The following TMEM131 variants were observed in gnomAD, a reference collection of about 807,000 sequenced individuals.
TMEM131 encodes 2610524E03Rik.
Under a neutral mutation model 211.6 loss-of-function variants are expected in TMEM131, and 66 were observed. The observed-to-expected ratio is 0.31, with a 90% CI of 0.26 to 0.38. The LOEUF (loss-of-function observed/expected upper bound fraction) is 0.38, where lower values mean the gene tolerates loss of function less well. TMEM131 is among the 10% of genes least tolerant of loss of function. TMEM131 has a pLI of 1.00. For missense variants in TMEM131, 2,036 were observed against 2,299.3 expected (o/e 0.89, Z 2.34); for synonymous variants, 844 against 841.3 (o/e 1.00, Z -0.06).
intron 2 of TMEM131, among the ~76,000 whole-genome samples, chr2:97,923,106 T>C (rs902191152): frequency 2.6e-4 from 39 of 151,938 alleles, no homozygotes; most frequent in Non-Finnish European, 2.6e-4. Context: ...CTGGCCAACA[T>C]GGTGAAACTC....
chr2:97,757,483 T>C, intron 40 of TMEM131, 100 bp from the exon 41 acceptor site: 1 of 1,305,582 alleles, frequency 7.7e-7, no homozygotes, highest in Non-Finnish European at 1.0e-6. Context: ...GGGGCACGCA[T>C]TCCTCTTACT....
intron 2 of TMEM131, chr2:97,913,123 C>T (rs749305432): frequency 2.6e-5 from 4 of 152,026 alleles, no homozygotes; most frequent in Non-Finnish European, 5.9e-5. Flanking sequence ...AACTAAGAGG[C>T]ATTTTTGTTT....
At chr2:97,759,448 C>G in intron 39 of TMEM131, 1 of 576,096 alleles carries the variant, frequency 1.7e-6, no homozygotes, top group Non-Finnish European at 3.1e-6. Context: ...TGTGCGCACA[C>G]CGTGTCGAGC....
intron 2 of TMEM131, among the ~76,000 whole-genome samples, chr2:97,912,143 G>A (rs1312404038): frequency 2.0e-5 from 3 of 151,936 alleles, no homozygotes; most frequent in Non-Finnish European, 4.4e-5. Context: ...ATAAAAACAG[G>A]CAAATAAGGA....
chr2:97,864,676 T>C (rs560597762), intron 4 of TMEM131, among the ~76,000 whole-genome samples: 1 of 152,328 alleles, frequency 6.6e-6, no homozygotes, highest in South Asian at 2.1e-4. Flanking sequence ...AGGGAGGTAC[T>C]GACTCCAAGA....
intron 1 of TMEM131, among the ~76,000 whole-genome samples, chr2:97,936,668 G>T (rs983284237): frequency 5.3e-5 from 8 of 152,038 alleles, no homozygotes; most frequent in Admixed American, 3.3e-4. Flanking sequence ...TAAACAAACA[G>T]CAACAAAAAC....
chr2:97,912,741 C>A (rs980230967), intron 2 of TMEM131, among the ~76,000 whole-genome samples: 3 of 152,122 alleles, frequency 2.0e-5, no homozygotes, highest in African/African-American at 7.2e-5. Flanking sequence ...CCCACCCATG[C>A]TTCTGTCATA....
At chr2:97,951,591 T>C (rs1351617525) in intron 1 of TMEM131, among the ~76,000 whole-genome samples, 1 of 152,200 alleles carries the variant, frequency 6.6e-6, no homozygotes, top group African/African-American at 2.4e-5. Context: ...TCCTGATCCT[T>C]TGGCCAGAGA....
intron 33 of TMEM131, among the ~76,000 whole-genome samples, chr2:97,768,950 C>CTTTA (rs1279942567): frequency 1.4e-5 from 2 of 146,476 alleles, no homozygotes; most frequent in African/African-American, 2.4e-5. Context: ...AGATGCCAGG[C>CTTTA]TTTATTTATT....
intron 2 of TMEM131, among the ~76,000 whole-genome samples, chr2:97,911,281 G>C (rs539360972): frequency 6.6e-6 from 1 of 152,262 alleles, no homozygotes; most frequent in East Asian, 1.9e-4. Flanking sequence ...ACTGGTGGTT[G>C]CCTAAAGATA....
rs146712816 is a variant in TMEM131 at position 97,895,495 on chromosome 2, T to C, written c.291-7375A>G. Among the ~76,000 whole-genome samples the C allele has an allele frequency of 2.4e-3, 373 of 152,326 alleles. 1 individual carries two copies. The highest frequency in any genetic ancestry group is 7.0e-3 in the Admixed American group (107 of 15,312). On this transcript the variant is annotated intron_variant, in intron 3 of 40. Transcript: ENST00000186436. ...TGAATTTGGTTGTGAATCTGTCTGGTCTTGGACTTTTTTTGGTTGGTAGGC... is the reference window on the plus strand; with the variant it reads ...TGAATTTGGTTGTGAATCTGTCTGGCCTTGGACTTTTTTTGGTTGGTAGGC...
chr2:97,953,365 T>C (rs1678412871), intron 1 of TMEM131, among the ~76,000 whole-genome samples: 1 of 152,200 alleles, frequency 6.6e-6, no homozygotes, highest in Non-Finnish European at 1.5e-5. Context: ...CATGCTAACA[T>C]TATTTTTTAA....
chr2:97,832,394 A>T (rs2105059244), intron 11 of TMEM131, among the ~76,000 whole-genome samples: 1 of 152,330 alleles, frequency 6.6e-6, no homozygotes, highest in East Asian at 1.9e-4. Context: ...TCTAGGAGAA[A>T]TGCTAGGTCA....
intron 4 of TMEM131, 132 bp from the exon 5 acceptor site, chr2:97,859,559 T>A: frequency 1.2e-6 from 1 of 843,290 alleles, no homozygotes; most frequent in Non-Finnish European, 1.7e-6. Flanking sequence ...TGAATTTATA[T>A]TTAAAATTAC....
chr2:97,757,794 G>A (rs1047104520), intron 40 of TMEM131, among the ~76,000 whole-genome samples: 3 of 152,188 alleles, frequency 2.0e-5, no homozygotes, highest in Admixed American at 1.3e-4. Flanking sequence ...TGCGCCCATC[G>A]GCCTGTGCAC....
intron 1 of TMEM131, among the ~76,000 whole-genome samples, chr2:97,985,428 TCAAATTC>T (rs1275188670): frequency 2.0e-5 from 3 of 152,082 alleles, no homozygotes; most frequent in African/African-American, 7.2e-5. Context: ...TATAAAGATG[TCAAATTC>T]CAAATTTATC....
intron 30 of TMEM131, 164 bp from the exon 31 acceptor site, chr2:97,793,148 T>C (rs1680586027): frequency 1.5e-6 from 1 of 651,588 alleles, no homozygotes; most frequent in Non-Finnish European, 2.5e-6. Flanking sequence ...ATCTGTTCTA[T>C]CTGAACATTT....
chr2:97,859,376 A>G lies in TMEM131; in HGVS notation c.411T>C (p.Ser137=), dbSNP rs1317483542. 1.2e-6 allele frequency: 2 copies of G among 1,600,438 alleles called. No homozygotes were observed. Among genetic ancestry groups the G allele is most frequent in the African/African-American group, 2.7e-5 (2 of 74,190 alleles). Residue 137 remains serine, a synonymous_variant, in exon 5 of 41, where the codon TCT becomes TCC. Coordinates refer to ENST00000186436, the MANE Select transcript of TMEM131 (RefSeq NM_015348.2). The stretch of plus-strand genomic sequence containing the variant: ...TTGATACTAAAGTAATCGTTTCTTC[A>G]GAACTAGGATTATGTAAGTAGACTT... ...MEKVYLHNPS[S]EETITLVSIS...
At chr2:97,902,046 A>T (rs2104339594) in intron 3 of TMEM131, among the ~76,000 whole-genome samples, 1 of 152,304 alleles carries the variant, frequency 6.6e-6, no homozygotes, top group South Asian at 2.1e-4. Context: ...CATGTATCAA[A>T]CTATCACATG....
Sources: gnomAD v4.1 joint callset for allele counts (sites outside exome capture counted in the v4.1 genomes callset) on GRCh38, gnomAD v4.1.1 for gene constraint, MANE v1.5 for transcripts, NCBI Gene and HGNC (gene_info 2026-07-23, HGNC 2026-07-21) for gene names.